The following PCDHGB7 variants were observed in gnomAD, a reference collection of about 807,000 sequenced individuals.
PCDHGB7 encodes protocadherin gamma subfamily B, 7, also known as protocadherin gamma-B7.
A neutral mutation model predicts 61.4 loss-of-function variants in PCDHGB7; 37 were observed. The ratio of observed to expected loss-of-function variants is 0.60; its 90% CI spans 0.46 to 0.79. The LOEUF is 0.79. Ranked by LOEUF, PCDHGB7 falls within the 30% of genes least tolerant of loss-of-function variation. The pLI is 0.00. For missense variants in PCDHGB7, 1,166 were observed against 1,202.5 expected (o/e 0.97, Z 0.45); for synonymous variants, 464 against 503.5 (o/e 0.92, Z 1.05).
chr5:141,503,024 A>G (rs574653661), intron 2 of PCDHGB7, among the ~76,000 whole-genome samples: 2 of 150,210 alleles, frequency 1.3e-5, no homozygotes, highest in South Asian at 2.1e-4. Context: ...TTTTTTTTTA[A>G]TATCTATTTT....
chr5:141,445,416 T>C lies in PCDHGB7; in HGVS notation c.2415+25142T>C, dbSNP rs190826518. ...TAACAAATATTTATTAACTGTCTGC[T>C]ATATGCAAGGCACTGACCTATGGAC... On this transcript the variant is annotated intron_variant, in intron 1 of 3. Coordinates refer to ENST00000398594, the MANE Select transcript of PCDHGB7 (RefSeq NM_018927.4). 2.2e-3 allele frequency among the ~76,000 whole-genome samples: 336 copies of C among 152,342 alleles called. 1 individual carries two copies. The highest frequency in any genetic ancestry group is 0.01 in the Middle Eastern group (3 of 294).
In PCDHGB7 at chr5:141,480,033, C is replaced by G. The variant is rs370321166; in HGVS notation, c.2416-14774C>G. On this transcript the variant is annotated intron_variant, in intron 1 of 3. Coordinates refer to ENST00000398594, the MANE Select transcript of PCDHGB7 (RefSeq NM_018927.4). ...CTCAATCTCCTTTCTAAGCCTCTTC[C>G]TCATATGCAAAAAGGGAATAATAAG... is the stretch of plus-strand genomic sequence containing the variant. Among the ~76,000 whole-genome samples, 3 of 152,224 alleles carry G rather than the reference C, an allele frequency of 2.0e-5. No individual in the cohort carries two copies. The East Asian group carries it at 5.8e-4, about 29-fold the overall frequency.
At position 141,486,493 on chromosome 5, in the gene PCDHGB7, T is replaced by C. The variant is rs761905572; in HGVS notation, c.2416-8314T>C. The C allele has an allele frequency of 1.2e-6, 2 of 1,614,136 alleles. No homozygotes were observed. The highest frequency in any genetic ancestry group is 1.7e-6 in the Non-Finnish European group (2 of 1,179,960). Reference sequence around the variant, plus strand: ...ACCCTCCTCTCAGTACCCACAGAACTATTTTCCTCAATATTTCAGATGTGA... The same window carrying C: ...ACCCTCCTCTCAGTACCCACAGAACCATTTTCCTCAATATTTCAGATGTGA... On this transcript the variant is annotated intron_variant, in intron 1 of 3. Transcript: ENST00000398594. The surrounding 1 kb of genome is among the most constrained non-coding windows in gnomAD (Gnocchi z 5.0).
chr5:141,447,023 G>GTTT, intron 1 of PCDHGB7, among the ~76,000 whole-genome samples: 1 of 151,542 alleles, frequency 6.6e-6, no homozygotes, highest in African/African-American at 2.4e-5. Context: ...GTTTTGTTTT[G>GTTT]TTTTTTTTCT....
intron 1 of PCDHGB7, among the ~76,000 whole-genome samples, chr5:141,453,492 G>T (rs1046043468): frequency 6.6e-6 from 1 of 152,000 alleles, no homozygotes; most frequent in Non-Finnish European, 1.5e-5. Flanking sequence ...AAAAAAAGGT[G>T]TACTCAGAAA....
In PCDHGB7 at chr5:141,419,846, G is replaced by T. The variant is rs1407937968; in HGVS notation, c.1987G>T (p.Val663Leu). ...PLSATATLHL[V>L]FADSLQEVLP... ...TTCAGCCACTGCCACGCTGCACCTG[G>T]TGTTCGCAGATAGCTTGCAAGAGGT... Residue 663 changes from valine to leucine, a missense_variant, in exon 1 of 4, where the codon GTG (valine) becomes TTG (leucine). By Grantham distance (32) the Val-to-Leu change is conservative. Coordinates refer to ENST00000398594, the MANE Select transcript of PCDHGB7 (RefSeq NM_018927.4). The T allele has an allele frequency of 1.2e-6, 2 of 1,614,066 alleles. No homozygotes were observed. The highest frequency in any genetic ancestry group is 1.7e-6 in the Non-Finnish European group (2 of 1,179,898).
chr5:141,467,129 T>G (rs2099137740), intron 1 of PCDHGB7, among the ~76,000 whole-genome samples: 1 of 151,826 alleles, frequency 6.6e-6, no homozygotes, highest in Non-Finnish European at 1.5e-5. Context: ...CTCAGCTCAC[T>G]GCAACCTCTG....
Position 141,511,029 on chromosome 5 carries a change from G to A in PCDHGB7, c.2646G>A (p.Leu882=), listed in dbSNP as rs1372346241. The part of the protein sequence containing the change: ...LSARYGPQFT[L]QHVPDYRQNV... ...CCCGCTACGGACCCCAGTTCACCCT[G>A]CAGCACGTGCCCGACTACCGCCAGA... The change falls in exon 4 of 4, where the codon CTG becomes CTA. Residue 882 remains leucine, a synonymous_variant. Transcript: ENST00000398594. 6.2e-7 allele frequency: 1 copy of A among 1,614,078 alleles called. No individual in the cohort carries two copies. Among genetic ancestry groups the A allele is most frequent in the Non-Finnish European group, 8.5e-7 (1 of 1,180,032 alleles).
At position 141,455,034 on chromosome 5, in the gene PCDHGB7, G is replaced by T. The variant is rs112590950; in HGVS notation, c.2415+34760G>T. 8.3e-3 allele frequency among the ~76,000 whole-genome samples: 1,254 copies of T among 150,894 alleles called. 18 individuals are homozygous for T. Among genetic ancestry groups the T allele is most frequent in the African/African-American group, 0.029 (1,191 of 41,122 alleles). ...TCACCGTGTTAGCCAGGATGGTCTC[G>T]ATCTCCTGACCTCGTGATCCGCCCG... On this transcript the variant is annotated intron_variant, in intron 1 of 3. Coordinates refer to ENST00000398594, the MANE Select transcript of PCDHGB7 (RefSeq NM_018927.4).
intron 1 of PCDHGB7, among the ~76,000 whole-genome samples, chr5:141,482,127 T>C (rs2099553382): frequency 6.6e-6 from 1 of 151,774 alleles, no homozygotes; most frequent in African/African-American, 2.4e-5. Flanking sequence ...GGGAGAATCA[T>C]ATGGCTGGCA....
intron 1 of PCDHGB7, among the ~76,000 whole-genome samples, chr5:141,426,099 G>A (rs1590666889): frequency 1.3e-5 from 2 of 152,348 alleles, no homozygotes; most frequent in African/African-American, 4.8e-5. Context: ...ATTCTGTTCA[G>A]TCACAGAAGC....
chr5:141,446,279 G>A (rs1326701686), intron 1 of PCDHGB7, among the ~76,000 whole-genome samples: 1 of 152,096 alleles, frequency 6.6e-6, no homozygotes, highest in African/African-American at 2.4e-5. Context: ...AAATACAATG[G>A]ATAAATGGGG....
Position 141,491,795 on chromosome 5 carries a change from C to T in PCDHGB7, c.2416-3012C>T. On this transcript the variant is annotated intron_variant, in intron 1 of 3. Coordinates refer to ENST00000398594, the MANE Select transcript of PCDHGB7 (RefSeq NM_018927.4). This position sits in a 1 kb window ranked among gnomAD's most constrained non-coding sequence, Gnocchi z 6.9. ...GGATTGAACTTGCATCCACTCCTCT[C>T]CGGCCGGCTTGGTCGCTGGCTGCGC... 6 of 1,511,694 alleles carry T rather than the reference C, an allele frequency of 4.0e-6. No individual in the cohort carries two copies. Among genetic ancestry groups the T allele is most frequent in the Non-Finnish European group, 5.3e-6 (6 of 1,130,430 alleles). 93.6% of individuals were successfully genotyped at this position (1,511,694 alleles called of 1,614,324 possible).
At chr5:141,452,046 T>C (rs767493861) in intron 1 of PCDHGB7, among the ~76,000 whole-genome samples, 1 of 152,242 alleles carries the variant, frequency 6.6e-6, no homozygotes, top group Non-Finnish European at 1.5e-5. Context: ...TAACTCCATT[T>C]GTAATAACTT....
chr5:141,435,910 G>T (rs1296707748), intron 1 of PCDHGB7, among the ~76,000 whole-genome samples: 2 of 152,112 alleles, frequency 1.3e-5, no homozygotes, highest in Non-Finnish European at 2.9e-5. Flanking sequence ...ACATCCAAGG[G>T]CTCTAAAATG....
chr5:141,463,927 A>G (rs1454864391), intron 1 of PCDHGB7, among the ~76,000 whole-genome samples: 1 of 152,206 alleles, frequency 6.6e-6, no homozygotes, highest in Non-Finnish European at 1.5e-5. Flanking sequence ...AAATCATTCT[A>G]TATAAATTTA....
chr5:141,439,800 T>C (rs1393580217), intron 1 of PCDHGB7: 1 of 152,300 alleles, frequency 6.6e-6, no homozygotes, highest in Admixed American at 6.5e-5. Context: ...CAAGAAGAGT[T>C]TGAAAAGGGG....
rs777288812 is a variant in PCDHGB7 at position 141,487,236 on chromosome 5, G to A, written c.2416-7571G>A. The A allele has an allele frequency of 1.7e-5, 28 of 1,613,962 alleles. No homozygotes were observed. The highest frequency in any genetic ancestry group is 1.4e-4 in the South Asian group (13 of 91,070). On this transcript the variant is annotated intron_variant, in intron 1 of 3. Coordinates refer to ENST00000398594, the MANE Select transcript of PCDHGB7 (RefSeq NM_018927.4). This position sits in a 1 kb window ranked among gnomAD's most constrained non-coding sequence, Gnocchi z 5.0. ...TCAGCTCCAAGGGAAGGAGAATCTC[G>A]TCTAACCCTCTACTTGGCTGTGTCC... is the stretch of plus-strand genomic sequence containing the variant.
chr5:141,483,245 A>G (rs2099578786), intron 1 of PCDHGB7, among the ~76,000 whole-genome samples: 1 of 151,456 alleles, frequency 6.6e-6, no homozygotes, highest in Non-Finnish European at 1.5e-5. Flanking sequence ...TGATATGCAT[A>G]TATCATGAGG....
Sources: allele counts gnomAD v4.1 joint callset (sites outside exome capture counted in the v4.1 genomes callset), GRCh38; gene constraint gnomAD v4.1.1; non-coding constraint Gnocchi (gnomAD v3.1); transcripts MANE v1.5; gene names NCBI Gene and HGNC (gene_info 2026-07-23, HGNC 2026-07-21).